TFDP1: variants seen among roughly 807,000 people sequenced by gnomAD.
The protein encoded by TFDP1 is DRTF1-polypeptide 1.
Under a neutral mutation model 48.0 loss-of-function variants are expected in TFDP1, and 6 were observed. That is an observed-to-expected ratio of 0.13 (90% CI 0.07 to 0.25). The LOEUF (loss-of-function observed/expected upper bound fraction) is 0.25. TFDP1 is among the 10% of genes least tolerant of loss of function. TFDP1 has a pLI of 1.00. For missense variants in TFDP1, 335 were observed against 543.0 expected, an observed-to-expected ratio of 0.62 and a Z score of 3.81; for synonymous variants, 201 against 211.6, an observed-to-expected ratio of 0.95 and a Z score of 0.44.
Position 113,611,030 on chromosome 13 carries a change from T to G in TFDP1, c.47T>G (p.Val16Gly). Residue 16 changes from valine (V) to glycine (G), a missense_variant, in exon 3 of 12, where the codon GTC (valine) becomes GGC (glycine). Physicochemically the swap from Val to Gly is moderately radical, Grantham distance 109 (BLOSUM62 -3). Around this residue, in one of 3 missense-constraint regions of TFDP1, gnomAD observed 103 missense variants for 140.4 expected, o/e 0.73. Transcript: ENST00000375370. ...ATTGAAGCCAACGGAGAACTCAAGGTCTTCATAGACCAGAACCTTAGTCCC... is the reference window on the plus strand; with the variant it reads ...ATTGAAGCCAACGGAGAACTCAAGGGCTTCATAGACCAGAACCTTAGTCCC... The part of the protein sequence containing the change: ...GLIEANGELK[V>G]FIDQNLSPGK... 5 of 1,614,198 alleles carry G rather than the reference T, an allele frequency of 3.1e-6. No homozygotes were observed. Among genetic ancestry groups the G allele is most frequent in the Non-Finnish European group, 3.4e-6 (4 of 1,180,026 alleles).
At position 113,627,152 on chromosome 13, in the gene TFDP1, G is replaced by A. The variant is rs1049739002; in HGVS notation, c.186+3866G>A. ...AAACTGGACTGGCTCATTCTGACAC[G>A]AGGGGTGGGGCTCAGTCCGGGCATG... is the stretch of plus-strand genomic sequence containing the variant. On this transcript the variant is annotated intron_variant, in intron 4 of 11. Coordinates refer to ENST00000375370, the MANE Select transcript of TFDP1 (RefSeq NM_007111.5). The surrounding 1 kb of genome is among the most constrained non-coding windows in gnomAD (Gnocchi z 4.1). Among the ~76,000 whole-genome samples the A allele has an allele frequency of 1.8e-4, 27 of 152,172 alleles. No individual in the cohort carries two copies. Among genetic ancestry groups the A allele is most frequent in the Middle Eastern group, 3.2e-3 (1 of 316 alleles).
chr13:113,600,737 A>G (rs541130849), intron 2 of TFDP1, among the ~76,000 whole-genome samples: 1 of 138,632 alleles, frequency 7.2e-6, no homozygotes, highest in South Asian at 2.4e-4. Flanking sequence ...ATGAGAGAGA[A>G]CCCTCACGTA....
chr13:113,626,092 GT>G (rs1339396769), intron 4 of TFDP1, among the ~76,000 whole-genome samples: 3 of 124,118 alleles, frequency 2.4e-5, no homozygotes, highest in East Asian at 3.0e-4. Flanking sequence ...GTCCTCAGGT[GT>G]TTCTCAGGTG....
chr13:113,596,375 C>T (rs79915788), intron 2 of TFDP1, among the ~76,000 whole-genome samples: 2,183 of 152,248 alleles, frequency 0.014, 50 homozygotes, highest in African/African-American at 0.049. Context: ...CTCCGGGAGT[C>T]GTTTTTAAGC....
Position 113,623,029 on chromosome 13 carries a change from G to A in TFDP1, c.80-151G>A. On this transcript the variant is annotated intron_variant, in intron 3 of 11. Transcript: ENST00000375370. The surrounding 1 kb of genome is among the most constrained non-coding windows in gnomAD (Gnocchi z 5.2). Reference sequence around the variant, plus strand: ...ACATTGGGAATCAAGCTTCATGGAGGTGTTGCTCTTGAGCCCTGGATTTGA... The same window carrying A: ...ACATTGGGAATCAAGCTTCATGGAGATGTTGCTCTTGAGCCCTGGATTTGA... 1 of 690,816 alleles carries A rather than the reference G, an allele frequency of 1.4e-6. No individual in the cohort carries two copies. 42.8% of individuals were successfully genotyped at this position (690,816 alleles called of 1,614,324 possible).
At position 113,631,324 on chromosome 13, in the gene TFDP1, G is replaced by A. The variant is rs563744636; in HGVS notation, c.187-299G>A. ...GCCTTGTGTGCGGTTTGGGGGTCAC[G>A]CTCTGCCCTGTCCTGTTCTTGCTTG... On this transcript the variant is annotated intron_variant, in intron 4 of 11. Coordinates refer to ENST00000375370, the MANE Select transcript of TFDP1 (RefSeq NM_007111.5). 5.3e-5 allele frequency among the ~76,000 whole-genome samples: 8 copies of A among 152,290 alleles called. No individual in the cohort carries two copies. The East Asian group carries it at 5.8e-4, about 11-fold the overall frequency.
chr13:113,593,938 G>C (rs1342538296), intron 2 of TFDP1, among the ~76,000 whole-genome samples: 2 of 146,890 alleles, frequency 1.4e-5, no homozygotes, highest in Non-Finnish European at 3.0e-5. Context: ...CCAGGTGACA[G>C]GTGTGCTGTG....
At chr13:113,603,580 G>C (rs1266695472) in intron 2 of TFDP1, among the ~76,000 whole-genome samples, 3 of 152,224 alleles carry the variant, frequency 2.0e-5, no homozygotes, top group Non-Finnish European at 4.4e-5. Flanking sequence ...TTTTCTAGCA[G>C]CATGGCGTGT....
chr13:113,631,322 A>AG (rs1292687009), intron 4 of TFDP1, among the ~76,000 whole-genome samples: 1 of 152,190 alleles, frequency 6.6e-6, no homozygotes, highest in African/African-American at 2.4e-5. Context: ...TTTGGGGGTC[A>AG]CGCTCTGCCC....
At chr13:113,601,655 CGTG>C (rs1188445653) in intron 2 of TFDP1, among the ~76,000 whole-genome samples, 2 of 152,168 alleles carry the variant, frequency 1.3e-5, no homozygotes, top group African/African-American at 4.8e-5. Flanking sequence ...CAGGAGGACT[CGTG>C]GGAGCTCGAG....
At chr13:113,635,191 C>T (rs953908337) in intron 8 of TFDP1, among the ~76,000 whole-genome samples, 7 of 152,142 alleles carry the variant, frequency 4.6e-5, no homozygotes, top group African/African-American at 7.2e-5. Flanking sequence ...CTGGGGGCCC[C>T]GTGTCTGGTG....
At chr13:113,622,896 C>T (rs1170912412) in intron 3 of TFDP1, among the ~76,000 whole-genome samples, 1 of 152,274 alleles carries the variant, frequency 6.6e-6, no homozygotes, top group Admixed American at 6.5e-5. Flanking sequence ...GTGGTCCCCA[C>T]CAGCACGTTC....
chr13:113,634,714 G>C, intron 8 of TFDP1, 112 bp downstream of exon 8: 1 of 773,616 alleles, frequency 1.3e-6, no homozygotes, highest in Non-Finnish European at 2.1e-6. Context: ...TCAAATGACT[G>C]CTCTAAGATT....
At chr13:113,616,129 G>A (rs992107839) in intron 3 of TFDP1, among the ~76,000 whole-genome samples, 2 of 151,124 alleles carry the variant, frequency 1.3e-5, no homozygotes, top group East Asian at 3.9e-4. Flanking sequence ...CTTGAACCCT[G>A]TAGGCGGAGG....
At chr13:113,611,651 C>T (rs1021160346) in intron 3 of TFDP1, among the ~76,000 whole-genome samples, 2 of 152,198 alleles carry the variant, frequency 1.3e-5, no homozygotes, top group East Asian at 3.9e-4. Context: ...GGTTTACGTT[C>T]GTGAAGGTGT....
At position 113,623,187 on chromosome 13, in the gene TFDP1, G is replaced by A. The variant is rs1297870653; in HGVS notation, c.87G>A (p.Val29=). ...GGTGTCCTTGTGTTGCAGGCGTGGT[G>A]TCCCTCGTGGCCGTTCACCCCTCCA... is the stretch of plus-strand genomic sequence containing the variant. ...DQNLSPGKGV[V]SLVAVHPSTV... The change falls in exon 4 of 12, where the codon GTG becomes GTA. Residue 29 remains valine (V), a synonymous_variant. Transcript: ENST00000375370. The surrounding 1 kb of genome is among the most constrained non-coding windows in gnomAD (Gnocchi z 5.2). 6 of 1,612,966 alleles carry A rather than the reference G, an allele frequency of 3.7e-6. No individual in the cohort carries two copies. Among genetic ancestry groups the A allele is most frequent in the East Asian group, 2.2e-5 (1 of 44,820 alleles).
At chr13:113,634,959 C>T (rs973884848) in intron 8 of TFDP1, among the ~76,000 whole-genome samples, 2 of 152,066 alleles carry the variant, frequency 1.3e-5, no homozygotes, top group Non-Finnish European at 2.9e-5. Flanking sequence ...GTGTATCTCT[C>T]GTCACAGCAT....
intron 2 of TFDP1, among the ~76,000 whole-genome samples, chr13:113,603,062 G>A (rs544528080): frequency 1.1e-4 from 16 of 152,198 alleles, no homozygotes; most frequent in East Asian, 1.9e-4. Context: ...GACACAGGTC[G>A]GATAAGCCTG....
intron 2 of TFDP1, among the ~76,000 whole-genome samples, chr13:113,597,662 A>G (rs2048318790): frequency 6.6e-6 from 1 of 152,224 alleles, no homozygotes; most frequent in Admixed American, 6.5e-5. Context: ...GGATGGATTC[A>G]AAAGAGTGAA....
Sources: gnomAD v4.1 joint callset for allele counts (sites outside exome capture counted in the v4.1 genomes callset) on GRCh38, gnomAD v4.1.1 for gene constraint, gnomAD v4.1.1 regional missense constraint, Gnocchi (gnomAD v3.1) non-coding constraint, MANE v1.5 for transcripts, NCBI Gene and HGNC (gene_info 2026-07-23, HGNC 2026-07-21) for gene names.